The following HIVEP1 variants were observed in gnomAD, a reference collection of about 807,000 sequenced individuals.
HIVEP1 encodes the protein zinc finger protein 40.
A neutral mutation model predicts 180.0 loss-of-function variants in HIVEP1; 36 were observed. The ratio of observed to expected loss-of-function variants is 0.20; its 90% CI spans 0.15 to 0.26. The LOEUF (loss-of-function observed/expected upper bound fraction) is 0.26. Ranked by LOEUF, HIVEP1 falls within the 10% of genes least tolerant of loss-of-function variation. The pLI, the probability that HIVEP1 is intolerant of heterozygous loss-of-function variation, is 1.00. For synonymous variants in HIVEP1, 1,239 were observed against 1,239.0 expected, an observed-to-expected ratio of 1.00 and a Z score of 0.00; for missense variants, 3,143 against 3,268.7, an observed-to-expected ratio of 0.96 and a Z score of 0.94.
intron 3 of HIVEP1, among the ~76,000 whole-genome samples, chr6:12,112,748 G>A (rs1774981122): frequency 6.6e-6 from 1 of 152,116 alleles, no homozygotes; most frequent in African/African-American, 2.4e-5. Context: ...TGGATGGGGT[G>A]GGGAGGGGAG....
chr6:12,171,038 G>C, the HIVEP1 span, among the ~76,000 whole-genome samples: 1 of 152,072 alleles, frequency 6.6e-6, no homozygotes, highest in Non-Finnish European at 1.5e-5. Context: ...TGGAGAGATG[G>C]GCTGAATATG....
At chr6:12,069,118 A>G (rs1346528562) in intron 2 of HIVEP1, among the ~76,000 whole-genome samples, 1 of 152,240 alleles carries the variant, frequency 6.6e-6, no homozygotes, top group African/African-American at 2.4e-5. Flanking sequence ...TGCAAACACC[A>G]TGGGGTGTAC....
downstream of HIVEP1, among the ~76,000 whole-genome samples, chr6:12,168,196 A>ATATCTATAT (rs1760794567): frequency 1.2e-4 from 1 of 8,238 alleles, no homozygotes; most frequent in African/African-American, 1.7e-4. Flanking sequence ...ATATACGTGT[A>ATATCTATAT]TATATACATA....
chr6:12,037,396 G>C (rs1349668305), intron 2 of HIVEP1, among the ~76,000 whole-genome samples: 2 of 152,134 alleles, frequency 1.3e-5, no homozygotes, highest in Non-Finnish European at 1.5e-5. Flanking sequence ...TGCTACTGTG[G>C]TCATTCATAT....
intron 7 of HIVEP1, among the ~76,000 whole-genome samples, chr6:12,141,427 G>A (rs1344808692): frequency 6.6e-6 from 1 of 152,048 alleles, no homozygotes; most frequent in Non-Finnish European, 1.5e-5. Context: ...ATGCCAAATT[G>A]TAAAGACCAT....
chr6:12,207,651 T>G, the HIVEP1 span, among the ~76,000 whole-genome samples: 1 of 151,346 alleles, frequency 6.6e-6, no homozygotes, highest in East Asian at 1.9e-4. Flanking sequence ...CACCTGTAAA[T>G]CCGAGAACTT....
the HIVEP1 span, among the ~76,000 whole-genome samples, chr6:12,187,800 G>T: frequency 1.3e-5 from 2 of 151,908 alleles, no homozygotes; most frequent in African/African-American, 2.4e-5. Flanking sequence ...TGGCCAGGCT[G>T]GTCTTGAACC....
chr6:12,109,998 T>C (rs1774782245), intron 3 of HIVEP1, among the ~76,000 whole-genome samples: 1 of 152,238 alleles, frequency 6.6e-6, no homozygotes, highest in African/African-American at 2.4e-5. Context: ...CATCTTCTTA[T>C]ACATCTCCAT....
At chr6:12,168,078 T>C (rs1206902548), downstream of HIVEP1, among the ~76,000 whole-genome samples, 1 of 59,954 alleles carries the variant, frequency 1.7e-5, no homozygotes, top group Non-Finnish European at 3.3e-5. Context: ...TATATGTGTA[T>C]ATATACATAT....
upstream of HIVEP1, among the ~76,000 whole-genome samples, chr6:12,009,785 AT>A (rs1163077568): frequency 3.9e-5 from 6 of 152,264 alleles, no homozygotes; most frequent in African/African-American, 1.4e-4. Context: ...TGTATTGTAT[AT>A]ATTTCAAATA....
At chr6:12,072,758 A>T (rs1772068081) in intron 2 of HIVEP1, among the ~76,000 whole-genome samples, 1 of 152,044 alleles carries the variant, frequency 6.6e-6, no homozygotes, top group Non-Finnish European at 1.5e-5. Context: ...CATCCAGTGA[A>T]TTTTTATTTC....
the HIVEP1 span, among the ~76,000 whole-genome samples, chr6:12,180,799 A>C: frequency 6.6e-6 from 1 of 152,332 alleles, no homozygotes; most frequent in South Asian, 2.1e-4. Flanking sequence ...CAAATCCGTG[A>C]ACATATCTTT....
chr6:12,046,812 C>G (rs1370548831), intron 2 of HIVEP1, among the ~76,000 whole-genome samples: 1 of 149,376 alleles, frequency 6.7e-6, no homozygotes, highest in Non-Finnish European at 1.5e-5. Flanking sequence ...TGGCCTCATC[C>G]AAAGCTTTAC....
At position 12,095,259 on chromosome 6, in the gene HIVEP1, T is replaced by A. The variant is rs1359472661; in HGVS notation, c.94+6022T>A. ...CCTTTTTAGTTTCATTAAATTTTGT[T>A]CTTTATTATCTTTTCCTGTCTTTTT... On this transcript the variant is annotated intron_variant, in intron 3 of 8. Transcript: ENST00000379388. 2.6e-5 allele frequency among the ~76,000 whole-genome samples: 4 copies of A among 152,080 alleles called. No homozygotes were observed. In the East Asian group the frequency reaches 7.7e-4, roughly 29 times the overall value.
At chr6:12,141,966 A>G (rs1256567461) in intron 7 of HIVEP1, among the ~76,000 whole-genome samples, 1 of 152,142 alleles carries the variant, frequency 6.6e-6, no homozygotes, top group Non-Finnish European at 1.5e-5. Context: ...TCAGTATTAG[A>G]CAGATCAACA....
chr6:12,100,462 A>G (rs1774053027), intron 3 of HIVEP1, among the ~76,000 whole-genome samples: 1 of 152,150 alleles, frequency 6.6e-6, no homozygotes, highest in Non-Finnish European at 1.5e-5. Context: ...TTATCATACT[A>G]TATTCTTGTG....
In HIVEP1 at chr6:12,145,831, C is replaced by T. The variant is rs557183609; in HGVS notation, c.6487+9939C>T. 2.6e-5 allele frequency among the ~76,000 whole-genome samples: 4 copies of T among 152,236 alleles called. No homozygotes were observed. In the South Asian group the frequency reaches 8.3e-4, roughly 32 times the overall value. On this transcript the variant is annotated intron_variant, in intron 7 of 8. Transcript: ENST00000379388. ...GATGATGTTTTGCTTGCTGCTGTAT[C>T]TTCAGCTCCTTAGGATTGTGCCTGG...
upstream of HIVEP1, among the ~76,000 whole-genome samples, chr6:12,011,165 G>A (rs905088332): frequency 1.4e-4 from 21 of 151,662 alleles, no homozygotes; most frequent in Non-Finnish European, 2.4e-4. Context: ...CCAACACCCT[G>A]CCCCCTCCGT....
intron 3 of HIVEP1, among the ~76,000 whole-genome samples, chr6:12,116,368 T>C (rs554720937): frequency 2.2e-4 from 34 of 152,150 alleles, no homozygotes; most frequent in Non-Finnish European, 4.7e-4. Flanking sequence ...CTCTGAGCTG[T>C]TCAGCCCCAG....
Sources: allele counts gnomAD v4.1 joint callset (sites outside exome capture counted in the v4.1 genomes callset), GRCh38; gene constraint gnomAD v4.1.1; transcripts MANE v1.5; gene names NCBI Gene and HGNC (gene_info 2026-07-23, HGNC 2026-07-21).